Variants in PRLR observed in about 807,000 individuals in gnomAD.
PRLR encodes the protein prolactin receptor.
A neutral mutation model predicts 40.2 loss-of-function variants in PRLR; 13 were observed. That is an observed-to-expected ratio of 0.32 (90% CI 0.21 to 0.51). The LOEUF is 0.51. PRLR is among the 20% of genes least tolerant of loss of function. PRLR has a pLI of 0.97. For synonymous variants in PRLR, 269 were observed against 278.7 expected (o/e 0.97, Z 0.35); for missense variants, 656 against 747.3 (o/e 0.88, Z 1.42).
intron 1 of PRLR, among the ~76,000 whole-genome samples, chr5:35,144,129 A>G (rs1320246780): frequency 6.6e-6 from 1 of 151,410 alleles, no homozygotes; most frequent in Non-Finnish European, 1.5e-5. Flanking sequence ...CTTCCAAAAA[A>G]AAAAAAAAAA....
chr5:35,179,035 A>G (rs923528254), intron 1 of PRLR, among the ~76,000 whole-genome samples: 1 of 152,128 alleles, frequency 6.6e-6, no homozygotes, highest in Non-Finnish European at 1.5e-5. Context: ...GATTTTCACT[A>G]TCCTCACAAC....
intron 1 of PRLR, among the ~76,000 whole-genome samples, chr5:35,194,742 G>A (rs886770842): frequency 2.0e-5 from 3 of 152,172 alleles, no homozygotes; most frequent in African/African-American, 7.2e-5. Context: ...ACAGTAAAAA[G>A]ATCAGCAGTT....
intron 5 of PRLR, chr5:35,081,713 A>C (rs956190614): frequency 6.5e-6 from 1 of 152,730 alleles, no homozygotes; most frequent in Non-Finnish European, 1.5e-5. Flanking sequence ...CTAATTTCAG[A>C]ACATTTCTTG....
At chr5:35,066,658 T>TCATCACCCTATTC (rs142281569) in intron 9 of PRLR, among the ~76,000 whole-genome samples, 12,542 of 151,056 alleles carry the variant, frequency 0.083, 794 homozygotes, top group African/African-American at 0.17. Context: ...TTCTCCCCCT[T>TCATCACCCTATTC]CATCACCCTA....
intron 2 of PRLR, among the ~76,000 whole-genome samples, chr5:35,113,982 G>C (rs1772858255): frequency 6.6e-6 from 1 of 152,210 alleles, no homozygotes; most frequent in South Asian, 2.1e-4. Flanking sequence ...CAGGGGATGA[G>C]GAGGTATCAG....
intron 2 of PRLR, among the ~76,000 whole-genome samples, chr5:35,096,455 G>A (rs1345196701): frequency 2.0e-5 from 3 of 152,054 alleles, no homozygotes; most frequent in African/African-American, 4.8e-5. Flanking sequence ...ATTTTCAGAG[G>A]AACTAGTCCC....
At chr5:35,169,762 C>T (rs556694335) in intron 1 of PRLR, among the ~76,000 whole-genome samples, 1 of 152,332 alleles carries the variant, frequency 6.6e-6, no homozygotes, top group East Asian at 1.9e-4. Flanking sequence ...GACTTTTGGA[C>T]ATCACTCAAT....
At chr5:35,072,461 A>T in intron 6 of PRLR, 114 bp downstream of exon 6, 2 of 1,242,890 alleles carry the variant, frequency 1.6e-6, no homozygotes, top group Non-Finnish European at 2.3e-6. Context: ...TCACAACTGC[A>T]TTGGAGGCCA....
At chr5:35,107,012 T>C (rs1772304547) in intron 2 of PRLR, among the ~76,000 whole-genome samples, 1 of 152,126 alleles carries the variant, frequency 6.6e-6, no homozygotes, top group East Asian at 1.9e-4. Flanking sequence ...AGAACAGAAA[T>C]TATAACAAAC....
chr5:35,139,871 A>G (rs577774258), intron 1 of PRLR, among the ~76,000 whole-genome samples: 22 of 152,334 alleles, frequency 1.4e-4, no homozygotes, highest in Non-Finnish European at 2.6e-4. Context: ...TTTGCATGGA[A>G]TGGAGAATAA....
At chr5:35,190,089 C>T (rs1399925889) in intron 1 of PRLR, among the ~76,000 whole-genome samples, 2 of 152,148 alleles carry the variant, frequency 1.3e-5, no homozygotes, top group African/African-American at 2.4e-5. Flanking sequence ...TGAGGTGAGT[C>T]GGCTTCCAGC....
chr5:35,167,187 A>ATCTG (rs1287513981), intron 1 of PRLR, among the ~76,000 whole-genome samples: 1 of 145,280 alleles, frequency 6.9e-6, no homozygotes, highest in East Asian at 2.0e-4. Flanking sequence ...CTATCTATCT[A>ATCTG]TCATCTAACT....
intron 2 of PRLR, among the ~76,000 whole-genome samples, chr5:35,090,912 G>A (rs150235769): frequency 0.01 from 1,429 of 141,002 alleles, 23 homozygotes; most frequent in African/African-American, 0.035. Context: ...CTGGATTCAC[G>A]CCATTCTCCT....
rs1471177297 is a variant in PRLR, at chr5:35,065,166, T to C, written c.1792A>G (p.Thr598Ala). The change falls in exon 10 of 10, where the codon ACA (threonine) becomes GCA (alanine). Residue 598 changes from threonine (T) to alanine (A), a missense_variant. Thr to Ala is a moderately conservative substitution (Grantham distance 58). This residue lies in a region of PRLR where 469 missense variants were observed against 491.5 expected (regional missense o/e 0.95). Transcript: ENST00000618457. ...AEKALANFTA[T>A]SSKCRLQLGG... The stretch of plus-strand genomic sequence containing the variant: ...AGCTGGAGCCTGCACTTGCTTGATG[T>C]TGCAGTGAAGTTGGCCAGGGCTTTC... The C allele has an allele frequency of 6.2e-7, 1 of 1,614,230 alleles. No individual in the cohort carries two copies. Among genetic ancestry groups the C allele is most frequent in the Non-Finnish European group, 8.5e-7 (1 of 1,180,026 alleles).
intron 1 of PRLR, among the ~76,000 whole-genome samples, chr5:35,146,556 G>C (rs1774187372): frequency 6.6e-6 from 1 of 152,162 alleles, no homozygotes; most frequent in Non-Finnish European, 1.5e-5. Flanking sequence ...TCTCATGCAT[G>C]CATCATTGTC....
At chr5:35,085,155 A>T (rs1770768332) in intron 4 of PRLR, among the ~76,000 whole-genome samples, 3 of 152,210 alleles carry the variant, frequency 2.0e-5, no homozygotes, top group Admixed American at 6.5e-5. Flanking sequence ...CAATAAAGTG[A>T]AGTGACGTTG....
At chr5:35,180,650 C>CGTGT (rs1775272767) in intron 1 of PRLR, among the ~76,000 whole-genome samples, 1 of 151,816 alleles carries the variant, frequency 6.6e-6, no homozygotes, top group South Asian at 2.1e-4. Context: ...GTTTGTTACA[C>CGTGT]GTGTATACAT....
rs1273037045 is a variant in PRLR, at chr5:35,058,841, C to CATCA, written c.*6244_*6247dup. On this transcript the variant is annotated 3_prime_UTR_variant, in exon 10 of 10. Coordinates refer to ENST00000618457, the MANE Select transcript of PRLR (RefSeq NM_000949.7). The stretch of plus-strand genomic sequence containing the variant: ...AGTCAGTAATGCCACTTGGCAAATA[C>CATCA]ATCAAATATGCCACCGAAAACCAGT... The CATCA allele has an allele frequency of 6.6e-6, 1 of 152,064 alleles. No homozygotes were observed. Among genetic ancestry groups the CATCA allele is most frequent in the African/African-American group, 2.4e-5 (1 of 41,406 alleles). 9.4% of individuals were successfully genotyped at this position (152,064 alleles called of 1,614,324 possible).
chr5:35,131,157 C>G (rs1437663130), intron 1 of PRLR, among the ~76,000 whole-genome samples: 1 of 152,154 alleles, frequency 6.6e-6, no homozygotes, highest in Non-Finnish European at 1.5e-5. Context: ...CCTACAAACA[C>G]CTTTTCTGCA....
Sources: allele counts gnomAD v4.1 joint callset (sites outside exome capture counted in the v4.1 genomes callset), GRCh38; gene constraint gnomAD v4.1.1; regional missense constraint gnomAD v4.1.1; transcripts MANE v1.5; gene names NCBI Gene and HGNC (gene_info 2026-07-23, HGNC 2026-07-21).